TNS1: variants seen among roughly 807,000 people sequenced by gnomAD.
The protein encoded by TNS1 is tensin 1.
TNS1 carries 62 observed loss-of-function variants against 168.6 expected under a neutral mutation model. The ratio of observed to expected loss-of-function variants is 0.37; its 90% CI spans 0.30 to 0.45. The LOEUF (loss-of-function observed/expected upper bound fraction) is 0.45. Among genes scored for constraint, TNS1 ranks in the 20% least tolerant of loss-of-function variants. TNS1 has a pLI of 1.00. For missense variants in TNS1, 2,240 were observed against 2,339.4 expected, an observed-to-expected ratio of 0.96 and a Z score of 0.88; for synonymous variants, 934 against 933.2, an observed-to-expected ratio of 1.00 and a Z score of -0.02.
chr2:217,800,271 G>A lies in TNS1; in HGVS notation c.*4188C>T, dbSNP rs1349727713. 6.6e-6 allele frequency: 1 copy of A among 152,244 alleles called. No homozygotes were observed. Among genetic ancestry groups the A allele is most frequent in the Non-Finnish European group, 1.5e-5 (1 of 68,050 alleles). 9.4% of individuals were successfully genotyped at this position (152,244 alleles called of 1,614,324 possible). ...AACTCCACTGCTGGCAAGAGCCCAGGCGTGGGATATGAACAGAGGTCCTCC... is the reference window on the plus strand; with the variant it reads ...AACTCCACTGCTGGCAAGAGCCCAGACGTGGGATATGAACAGAGGTCCTCC... On this transcript the variant is annotated 3_prime_UTR_variant, in exon 33 of 33. Transcript: ENST00000682258.
intron 1 of TNS1, among the ~76,000 whole-genome samples, chr2:218,009,504 C>A (rs925104169): frequency 4.6e-5 from 7 of 152,006 alleles, no homozygotes; most frequent in Admixed American, 3.9e-4. Context: ...TTCCCCAGAC[C>A]CCTGCTCCCG....
chr2:217,960,413 G>C (rs1559388663), intron 3 of TNS1, among the ~76,000 whole-genome samples: 1 of 152,154 alleles, frequency 6.6e-6, no homozygotes, highest in Non-Finnish European at 1.5e-5. Context: ...GGGGACCAGT[G>C]GGGGACTCAG....
upstream of TNS1, chr2:218,010,548 C>G (rs147093055): frequency 0.029 from 5,024 of 172,878 alleles, 223 homozygotes; most frequent in East Asian, 0.16. Flanking sequence ...GGGCGCGCTG[C>G]GGGGCGGATG....
At chr2:217,816,403 C>A (rs904588463) in intron 24 of TNS1, among the ~76,000 whole-genome samples, 1 of 152,170 alleles carries the variant, frequency 6.6e-6, no homozygotes, top group Non-Finnish European at 1.5e-5. Flanking sequence ...AGTGCTTAGT[C>A]AATTTCAACC....
At chr2:217,929,325 G>T (rs1956193543) in intron 3 of TNS1, among the ~76,000 whole-genome samples, 1 of 152,224 alleles carries the variant, frequency 6.6e-6, no homozygotes, top group Non-Finnish European at 1.5e-5. Context: ...GAAGCTGGGA[G>T]AGGTGAGGCT....
chr2:217,836,057 C>T lies in TNS1; in HGVS notation c.3162G>A (p.Leu1054=). 6.2e-7 allele frequency: 1 copy of T among 1,614,040 alleles called. No individual in the cohort carries two copies. Among genetic ancestry groups the T allele is most frequent in the South Asian group, 1.1e-5 (1 of 91,078 alleles). The part of the protein sequence containing the change: ...RSPVQCVSPE[L]ALTIALNPGG... Reference sequence around the variant, plus strand: ...CAGGATTGAGAGCGATGGTAAGAGCCAGCTCCGGGGAGACACACTGGACAG... The same window carrying T: ...CAGGATTGAGAGCGATGGTAAGAGCTAGCTCCGGGGAGACACACTGGACAG... The change falls in exon 20 of 33, where the codon CTG becomes CTA. Residue 1054 remains leucine (L), a synonymous_variant. Coordinates refer to ENST00000682258, the MANE Select transcript of TNS1 (RefSeq NM_001387777.1).
chr2:217,893,404 A>ACG (rs1951950332), intron 10 of TNS1, 35 bp downstream of exon 10: 8 of 1,176,846 alleles, frequency 6.8e-6, no homozygotes, highest in Non-Finnish European at 8.4e-6. Flanking sequence ...GCGCGCGCAC[A>ACG]CACACACACA....
chr2:217,920,754 C>G (rs1479230097), intron 3 of TNS1, among the ~76,000 whole-genome samples: 1 of 151,984 alleles, frequency 6.6e-6, no homozygotes, highest in Non-Finnish European at 1.5e-5. Flanking sequence ...CTGGCACTTT[C>G]CCGGAGCATG....
At chr2:217,829,047 T>A (rs1318602933) in intron 22 of TNS1, among the ~76,000 whole-genome samples, 4 of 152,078 alleles carry the variant, frequency 2.6e-5, no homozygotes, top group Non-Finnish European at 5.9e-5. Context: ...ACACTGCTAA[T>A]CCTCCTACAG....
upstream of TNS1, among the ~76,000 whole-genome samples, chr2:218,014,901 AAGGAAGGAAGGAAGGAAGGAAGGCAGGC>A (rs1437125838): frequency 1.9e-4 from 28 of 149,570 alleles, no homozygotes; most frequent in Admixed American, 9.3e-4. Flanking sequence ...GGAAGGAAGG[AAGGAAGGAAGGAAGGAAGGAAGGCAGGC>A]AGGCAGGCAG....
At chr2:217,917,246 T>C (rs568104410) in intron 4 of TNS1, among the ~76,000 whole-genome samples, 5 of 152,286 alleles carry the variant, frequency 3.3e-5, no homozygotes, top group African/African-American at 1.2e-4. Flanking sequence ...CAGTCCTGTT[T>C]ATTGAGTACC....
intron 31 of TNS1, 97 bp downstream of exon 31, chr2:217,808,506 T>C (rs1252260087): frequency 3.1e-5 from 33 of 1,066,698 alleles, no homozygotes; most frequent in Non-Finnish European, 4.4e-5. Flanking sequence ...TGTATGCACA[T>C]GCACACACAC....
rs578160400 is a variant in TNS1, at chr2:217,813,389, C to G, written c.4862-82G>C. 1.1e-5 allele frequency: 14 copies of G among 1,222,208 alleles called. No homozygotes were observed. The highest frequency in any genetic ancestry group is 1.5e-5 in the Non-Finnish European group (13 of 848,328). The allele number at this position is 1,222,208 out of a possible 1,614,324, so 75.7% of individuals were successfully genotyped here. Reference sequence around the variant, plus strand: ...CCTCCCAAGACTGCTTCAAAACTTCCGCAGTGTGCGGGGCCAAGATGGGAG... The same window carrying G: ...CCTCCCAAGACTGCTTCAAAACTTCGGCAGTGTGCGGGGCCAAGATGGGAG... On this transcript the variant is annotated intron_variant, in intron 26 of 32. Coordinates refer to ENST00000682258, the MANE Select transcript of TNS1 (RefSeq NM_001387777.1). This position sits in a 1 kb window ranked among gnomAD's most constrained non-coding sequence, Gnocchi z 4.0.
chr2:217,883,316 G>C (rs930937336), intron 16 of TNS1, among the ~76,000 whole-genome samples: 1 of 152,156 alleles, frequency 6.6e-6, no homozygotes, highest in Non-Finnish European at 1.5e-5. Context: ...CCAGGCCAAA[G>C]TGCAGCGGTG....
At chr2:218,010,423 A>G (rs1036220727), upstream of TNS1, 1 of 380,668 alleles carries the variant, frequency 2.6e-6, no homozygotes, top group Non-Finnish European at 4.6e-6. Flanking sequence ...ACTGGGCTCC[A>G]TCTCCGGGGA....
intron 3 of TNS1, among the ~76,000 whole-genome samples, chr2:217,953,856 C>A (rs1957299248): frequency 6.6e-6 from 1 of 152,208 alleles, no homozygotes; most frequent in Non-Finnish European, 1.5e-5. Flanking sequence ...GCTGGCATGG[C>A]AAAAGCAGGT....
chr2:218,011,998 C>G (rs1456455530), upstream of TNS1, among the ~76,000 whole-genome samples: 4 of 152,128 alleles, frequency 2.6e-5, no homozygotes, highest in African/African-American at 9.7e-5. Context: ...TAAAGTGAGC[C>G]CATCTCCAAC....
intron 19 of TNS1, among the ~76,000 whole-genome samples, chr2:217,840,404 C>T (rs535371205): frequency 7.2e-5 from 11 of 152,336 alleles, no homozygotes; most frequent in African/African-American, 2.4e-4. Context: ...TCCACAAGGT[C>T]CAGGGCATGT....
Position 217,803,883 on chromosome 2 carries a change from C to CA in TNS1, c.*575dup, listed in dbSNP as rs1435882043. ...GAGGATGTGGGTGCAGACACACACC[C>CA]ACACGACAATATAGTGGAGGCACAG... On this transcript the variant is annotated 3_prime_UTR_variant, in exon 33 of 33. Coordinates refer to ENST00000682258, the MANE Select transcript of TNS1 (RefSeq NM_001387777.1). 6.5e-6 allele frequency: 1 copy of CA among 153,916 alleles called. No individual in the cohort carries two copies. The highest frequency in any genetic ancestry group is 1.4e-5 in the Non-Finnish European group (1 of 68,968). 9.5% of individuals were successfully genotyped at this position (153,916 alleles called of 1,614,324 possible).
Sources: allele counts gnomAD v4.1 joint callset (sites outside exome capture counted in the v4.1 genomes callset), GRCh38; gene constraint gnomAD v4.1.1; non-coding constraint Gnocchi (gnomAD v3.1); transcripts MANE v1.5; gene names NCBI Gene and HGNC (gene_info 2026-07-23, HGNC 2026-07-21).